The following FAM135B variants were observed in gnomAD, a reference collection of about 807,000 sequenced individuals.
FAM135B encodes the protein protein FAM135B.
FAM135B carries 43 observed loss-of-function variants against 127.7 expected under a neutral mutation model. The observed-to-expected ratio is 0.34, with a 90% CI of 0.26 to 0.43. The LOEUF is 0.43. Among genes scored for constraint, FAM135B ranks in the 20% least tolerant of loss-of-function variants. FAM135B has a pLI of 1.00. For missense variants in FAM135B, 1,558 were observed against 1,725.6 expected, an observed-to-expected ratio of 0.90 and a Z score of 1.72; for synonymous variants, 670 against 665.1, an observed-to-expected ratio of 1.01 and a Z score of -0.11.
chr8:138,236,229 G>A (rs1271191263), intron 7 of FAM135B, among the ~76,000 whole-genome samples: 1 of 152,132 alleles, frequency 6.6e-6, no homozygotes, highest in Admixed American at 6.5e-5. Context: ...CTCTGGTGGA[G>A]CTTAGAGTCT....
At chr8:138,481,851 A>T (rs1241290085) in intron 1 of FAM135B, among the ~76,000 whole-genome samples, 4 of 152,204 alleles carry the variant, frequency 2.6e-5, no homozygotes, top group African/African-American at 9.6e-5. Flanking sequence ...CCAACATTTT[A>T]CCATGAGTTT....
chr8:138,348,455 C>T (rs10875429), intron 2 of FAM135B, among the ~76,000 whole-genome samples: 74,086 of 151,842 alleles, frequency 0.49, 20,279 homozygotes, highest in Non-Finnish European at 0.63. Flanking sequence ...TTTTATACAT[C>T]GGTTTGCTTT....
rs558135630 is a variant in FAM135B, at chr8:138,318,098, G to A, written c.78-7178C>T. Among the ~76,000 whole-genome samples, 6 of 152,254 alleles carry A rather than the reference G, an allele frequency of 3.9e-5. No homozygotes were observed. The East Asian group carries it at 1.2e-3, about 29-fold the overall frequency. ...AGCAATAGTAAAAACAATTAGCAGC[G>A]GCAGCCATGGCCACAACGTTAGCAA... On this transcript the variant is annotated intron_variant, in intron 2 of 19. Coordinates refer to ENST00000395297, the MANE Select transcript of FAM135B (RefSeq NM_015912.4).
At chr8:138,449,836 C>A (rs549313297) in intron 1 of FAM135B, among the ~76,000 whole-genome samples, 1 of 152,062 alleles carries the variant, frequency 6.6e-6, no homozygotes. Context: ...TCCAAAGTTC[C>A]GAGTTCACAT....
At chr8:138,209,816 T>C (rs10783163) in intron 7 of FAM135B, among the ~76,000 whole-genome samples, 113,266 of 151,990 alleles carry the variant, frequency 0.75, 42,594 homozygotes, top group East Asian at 0.82. Context: ...CAATGGCCCC[T>C]AGTCCCACAT....
chr8:138,377,467 G>T (rs1831555010), intron 1 of FAM135B, among the ~76,000 whole-genome samples: 1 of 152,144 alleles, frequency 6.6e-6, no homozygotes, highest in Non-Finnish European at 1.5e-5. Flanking sequence ...CAGAGCATCT[G>T]GTGTTCCCCT....
At chr8:138,386,758 T>C (rs1342725481) in intron 1 of FAM135B, among the ~76,000 whole-genome samples, 1 of 152,232 alleles carries the variant, frequency 6.6e-6, no homozygotes, top group Non-Finnish European at 1.5e-5. Flanking sequence ...AACACCTCCC[T>C]GGTCATGATG....
intron 2 of FAM135B, among the ~76,000 whole-genome samples, chr8:138,317,697 G>A (rs76366979): frequency 0.024 from 3,668 of 152,292 alleles, 130 homozygotes; most frequent in African/African-American, 0.079. Context: ...AAACGCAAAC[G>A]CCTACAGGGG....
chr8:138,272,723 T>C (rs932730033), intron 3 of FAM135B, among the ~76,000 whole-genome samples: 2 of 152,256 alleles, frequency 1.3e-5, no homozygotes, highest in Non-Finnish European at 1.5e-5. Context: ...TAGTACACTT[T>C]AGTTGCTCAA....
chr8:138,318,155 T>C (rs1827217017), intron 2 of FAM135B, among the ~76,000 whole-genome samples: 1 of 152,178 alleles, frequency 6.6e-6, no homozygotes, highest in Admixed American at 6.5e-5. Flanking sequence ...TAAAACACAT[T>C]TGCAGACTCA....
intron 1 of FAM135B, among the ~76,000 whole-genome samples, chr8:138,487,667 G>A (rs867319160): frequency 1.3e-5 from 2 of 151,854 alleles, no homozygotes; most frequent in Non-Finnish European, 1.5e-5. Flanking sequence ...CTGGGCAGGG[G>A]TGGTACTTCT....
At chr8:138,226,987 A>G (rs1378403803) in intron 7 of FAM135B, among the ~76,000 whole-genome samples, 2 of 152,064 alleles carry the variant, frequency 1.3e-5, no homozygotes, top group African/African-American at 2.4e-5. Flanking sequence ...GTGAGCCACC[A>G]CACCCAGCCC....
At position 138,141,791 on chromosome 8, in the gene FAM135B, G is replaced by C. The variant is rs1284599279; in HGVS notation, c.3639-442C>G. On this transcript the variant is annotated intron_variant, in intron 16 of 19. Coordinates refer to ENST00000395297, the MANE Select transcript of FAM135B (RefSeq NM_015912.4). This position sits in a 1 kb window ranked among gnomAD's most constrained non-coding sequence, Gnocchi z 4.7. ...ATTCATCCTCTCCTTCACCCGCTGT[G>C]TATATATTGAACCACCTGCTCACAG... Among the ~76,000 whole-genome samples, 207 of 152,240 alleles carry C rather than the reference G, an allele frequency of 1.4e-3. No individual in the cohort carries two copies. Among genetic ancestry groups the C allele is most frequent in the Middle Eastern group, 6.8e-3 (2 of 294 alleles).
intron 7 of FAM135B, among the ~76,000 whole-genome samples, chr8:138,219,296 G>A (rs113952579): frequency 0.027 from 4,081 of 152,288 alleles, 110 homozygotes; most frequent in East Asian, 0.13. Flanking sequence ...AAAAGAAAAT[G>A]ACACTGATGG....
chr8:138,457,133 G>A (rs896844519), intron 1 of FAM135B, among the ~76,000 whole-genome samples: 11 of 151,830 alleles, frequency 7.2e-5, no homozygotes, highest in African/African-American at 1.2e-4. Flanking sequence ...AACCCTCCAC[G>A]CTAGACCTAG....
At chr8:138,217,255 A>G (rs1168008297) in intron 7 of FAM135B, among the ~76,000 whole-genome samples, 1 of 152,178 alleles carries the variant, frequency 6.6e-6, no homozygotes, top group Admixed American at 6.5e-5. Context: ...AGAATTATCA[A>G]TATACTTCTG....
intron 6 of FAM135B, among the ~76,000 whole-genome samples, chr8:138,250,402 A>G (rs1821609851): frequency 6.6e-6 from 1 of 152,176 alleles, no homozygotes; most frequent in South Asian, 2.1e-4. Flanking sequence ...TCTACATTTG[A>G]ACAAATAACA....
intron 9 of FAM135B, 95 bp downstream of exon 9, chr8:138,195,163 T>G: frequency 8.2e-7 from 1 of 1,222,136 alleles, no homozygotes; most frequent in South Asian, 1.3e-5. Flanking sequence ...AAGTGGTGTC[T>G]TTTCACTTCT....
intron 1 of FAM135B, among the ~76,000 whole-genome samples, chr8:138,390,528 C>T (rs1158019922): frequency 6.6e-6 from 1 of 152,142 alleles, no homozygotes; most frequent in Non-Finnish European, 1.5e-5. Context: ...TTATCAGCAC[C>T]ATGAAAAGGG....
Sources: gnomAD v4.1 joint callset for allele counts (sites outside exome capture counted in the v4.1 genomes callset) on GRCh38, gnomAD v4.1.1 for gene constraint, Gnocchi (gnomAD v3.1) non-coding constraint, MANE v1.5 for transcripts, NCBI Gene and HGNC (gene_info 2026-07-23, HGNC 2026-07-21) for gene names.